GEMIN5: variants seen among roughly 807,000 people sequenced by gnomAD.
GEMIN5 encodes the protein gem-associated protein 5.
GEMIN5 carries 124 observed loss-of-function variants against 176.9 expected under a neutral mutation model. The observed-to-expected ratio is 0.70, with a 90% CI of 0.61 to 0.81. The LOEUF (loss-of-function observed/expected upper bound fraction) is 0.81, where lower values mean the gene tolerates loss of function less well. GEMIN5 is among the 40% of genes least tolerant of loss of function. GEMIN5 has a pLI of 0.00. For synonymous variants in GEMIN5, 673 were observed against 665.2 expected (o/e 1.01, Z -0.18); for missense variants, 1,843 against 1,814.6 (o/e 1.02, Z -0.28).
At position 154,889,331 on chromosome 5, in the gene GEMIN5, T is replaced by C. The variant is rs112323495; in HGVS notation, c.4349A>G (p.Glu1450Gly). Residue 1450 changes from glutamate (E) to glycine (G), a missense_variant, in exon 27 of 28, where the codon GAG becomes GGG. Glu to Gly is a moderately conservative substitution (Grantham distance 98). Transcript: ENST00000285873. Reference protein sequence around the residue: ...EANQRMAKFPESIKAWPFPDV... With the variant: ...EANQRMAKFPGSIKAWPFPDV... ...TGCTTTAACTCTTACCTTAATGCTC[T>C]CAGGAAATTTCGCCATTCTCTGATT... 553 of 1,569,050 alleles carry C rather than the reference T, an allele frequency of 3.5e-4. 4 individuals carry two copies. In the African/African-American group the frequency reaches 6.2e-3, roughly 18 times the overall value.
At position 154,891,658 on chromosome 5, in the gene GEMIN5, T is replaced by C. The variant is rs1763230143; in HGVS notation, c.3845A>G (p.Tyr1282Cys). The change falls in exon 26 of 28, where the codon TAT becomes TGT. Residue 1282 changes from tyrosine (Y) to cysteine (C), a missense_variant. Transcript: ENST00000285873. ...CCACCAGAATTCATACAGACGCCCA[T>C]AAAGAAAAAAGGCCTCCAAACTTTT... ...AFKSLEAFFL[Y>C]GRLYEFWWSL... The C allele has an allele frequency of 6.2e-7, 1 of 1,613,090 alleles. No homozygotes were observed.
At chr5:154,904,659 AAGG>A in intron 17 of GEMIN5, 30 bp from the exon 18 acceptor site, 2 of 1,572,856 alleles carry the variant, frequency 1.3e-6, no homozygotes, top group Non-Finnish European at 1.7e-6. Flanking sequence ...ATACTATCTG[AAGG>A]AGAACTGATC....
chr5:154,924,454 T>A lies in GEMIN5; in HGVS notation c.1379+15A>T. 6.5e-7 allele frequency: 1 copy of A among 1,543,818 alleles called. No homozygotes were observed. Among genetic ancestry groups the A allele is most frequent in the South Asian group, 1.1e-5 (1 of 89,236 alleles). On this transcript the variant is annotated intron_variant, in intron 9 of 27. Transcript: ENST00000285873. ...TCCCCGGGCCACAATGGAAGAAGAA[T>A]CACCCATTTCTTACTTGTTGGAGTA...
intron 20 of GEMIN5, among the ~76,000 whole-genome samples, chr5:154,902,137 A>G (rs575760348): frequency 2.8e-4 from 43 of 152,006 alleles, no homozygotes; most frequent in African/African-American, 1.0e-3. Flanking sequence ...ACAAGGTCTC[A>G]TGATGTTGCC....
At chr5:154,930,754 G>A (rs954627204) in intron 5 of GEMIN5, among the ~76,000 whole-genome samples, 3 of 151,982 alleles carry the variant, frequency 2.0e-5, no homozygotes, top group African/African-American at 4.8e-5. Flanking sequence ...ACTTTAGAGT[G>A]TACTTCATAC....
chr5:154,895,669 T>TTC (rs2113458411), intron 24 of GEMIN5, among the ~76,000 whole-genome samples: 1 of 44,786 alleles, frequency 2.2e-5, no homozygotes, highest in Non-Finnish European at 8.4e-5. Flanking sequence ...TTCTGGTTGA[T>TTC]GGGTTATTAC....
At chr5:154,890,467 AT>A (rs748573084) in intron 26 of GEMIN5, among the ~76,000 whole-genome samples, 3,810 of 138,080 alleles carry the variant, frequency 0.028, 92 homozygotes, top group African/African-American at 0.093. Context: ...TTAAAATTTA[AT>A]TTTTTTTTTT....
intron 15 of GEMIN5, among the ~76,000 whole-genome samples, chr5:154,909,133 A>ATTTTTTTTTTTTTTTTTTTTT (rs70981958): frequency 1.0e-5 from 1 of 99,732 alleles, no homozygotes. Context: ...TAATTTTTGT[A>ATTTTTTTTTTTTTTTTTTTTT]TTTTTTTTTT....
intron 7 of GEMIN5, among the ~76,000 whole-genome samples, 189 bp downstream of exon 7, chr5:154,927,196 T>G (rs1195265749): frequency 6.6e-6 from 1 of 152,212 alleles, no homozygotes; most frequent in Non-Finnish European, 1.5e-5. Flanking sequence ...AAAACTATTT[T>G]GGTGGGTCTT....
At chr5:154,910,483 T>C (rs1763679074) in intron 15 of GEMIN5, among the ~76,000 whole-genome samples, 1 of 152,124 alleles carries the variant, frequency 6.6e-6, no homozygotes, top group African/African-American at 2.4e-5. Flanking sequence ...TTTGCAGTTC[T>C]TGGTAGAAAT....
intron 24 of GEMIN5, among the ~76,000 whole-genome samples, chr5:154,894,699 GT>G (rs989263687): frequency 3.9e-5 from 6 of 152,104 alleles, no homozygotes. Flanking sequence ...GAGGTCAGGA[GT>G]TCGAGACCAG....
Position 154,914,509 on chromosome 5 carries a change from C to CT in GEMIN5, c.1856-1472dup, listed in dbSNP as rs66537820. Reference sequence around the variant, plus strand: ...ATGGGTGGCTGATTACACTATTTTACTTTTTTTTTTTTTTTTTTTAAAGAG... The same window carrying CT: ...ATGGGTGGCTGATTACACTATTTTACTTTTTTTTTTTTTTTTTTTTAAAGAG... On this transcript the variant is annotated intron_variant, in intron 13 of 27. Coordinates refer to ENST00000285873, the MANE Select transcript of GEMIN5 (RefSeq NM_015465.5). 1.9e-3 allele frequency among the ~76,000 whole-genome samples: 255 copies of CT among 136,218 alleles called. 1 individual carries two copies. Among genetic ancestry groups the CT allele is most frequent in the South Asian group, 3.0e-3 (13 of 4,270 alleles). 89.4% of individuals were successfully genotyped at this position (136,218 alleles called of 152,430 possible).
In GEMIN5 at chr5:154,896,114, G is replaced by A. The variant is rs1233659286; in HGVS notation, c.3575C>T (p.Thr1192Ile). ...TACCTGTTTGGCAGGTGTGTTATTTGTAGCAGATGGGTACTTGATGTTCTG... is the reference window on the plus strand; with the variant it reads ...TACCTGTTTGGCAGGTGTGTTATTTATAGCAGATGGGTACTTGATGTTCTG... ...KLQNIKYPSATNNTPAKQLLL... is the reference protein window; with the variant it reads ...KLQNIKYPSAINNTPAKQLLL... Residue 1192 changes from threonine (T) to isoleucine (I), a missense_variant, in exon 24 of 28, where the codon ACA becomes ATA. By Grantham distance (89) the Thr-to-Ile change is moderately conservative. Coordinates refer to ENST00000285873, the MANE Select transcript of GEMIN5 (RefSeq NM_015465.5). The A allele has an allele frequency of 1.2e-6, 2 of 1,613,598 alleles. No homozygotes were observed. The highest frequency in any genetic ancestry group is 1.7e-6 in the Non-Finnish European group (2 of 1,179,834).
rs1582660260 is a variant in GEMIN5, at chr5:154,907,889, C to A, written c.2168-71G>T. On this transcript the variant is annotated intron_variant, in intron 15 of 27. Coordinates refer to ENST00000285873, the MANE Select transcript of GEMIN5 (RefSeq NM_015465.5). ...TTAAAAGCACTCTAGGTGGTAAACT[C>A]CAATATCTCATTCCTCTTTAATAGC... is the stretch of plus-strand genomic sequence containing the variant. The A allele has an allele frequency of 1.8e-5, 18 of 978,166 alleles. No individual in the cohort carries two copies. The East Asian group carries it at 4.0e-4, about 22-fold the overall frequency. The allele number at this position is 978,166 out of a possible 1,614,324, so 60.6% of individuals were successfully genotyped here. A position where few individuals can be genotyped will look rare whatever the true frequency, so the allele number is the denominator to read the frequency against.
Position 154,931,604 on chromosome 5 carries a change from T to C in GEMIN5, c.662-27A>G, listed in dbSNP as rs538035136. ...TATGAGATAGGTGGCAATTTTGTTT[T>C]TAATTTACATTAAACACGCACTAAT... On this transcript the variant is annotated intron_variant, in intron 4 of 27. Coordinates refer to ENST00000285873, the MANE Select transcript of GEMIN5 (RefSeq NM_015465.5). 3 of 1,564,054 alleles carry C rather than the reference T, an allele frequency of 1.9e-6. No homozygotes were observed. The South Asian group carries it at 3.5e-5, about 18-fold the overall frequency.
At chr5:154,902,786 T>A (rs772164691) in intron 19 of GEMIN5, 110 bp from the exon 20 acceptor site, 12 of 1,114,308 alleles carry the variant, frequency 1.1e-5, no homozygotes, top group Admixed American at 8.2e-5. Context: ...AAATATGCAG[T>A]CATTCTCTGA....
rs536834545 is a variant in GEMIN5 at position 154,928,671 on chromosome 5, AAAG to A, written c.782-15_782-13del. 2.9e-4 allele frequency: 464 copies of A among 1,613,754 alleles called. 3 individuals carry two copies. In the South Asian group the frequency reaches 3.0e-3, roughly 10 times the overall value. On this transcript the variant is annotated splice_polypyrimidine_tract_variant and intron_variant, in intron 5 of 27. Transcript: ENST00000285873. Reference sequence around the variant, plus strand: ...CAAAATCATCACCCCTGCAGATTAAAAAGAAGGCCAGTGGGCACTCAAGACAGT... The same window carrying A: ...CAAAATCATCACCCCTGCAGATTAAAAAGGCCAGTGGGCACTCAAGACAGT...
chr5:154,905,757 T>C (rs1763555782), intron 16 of GEMIN5, among the ~76,000 whole-genome samples: 1 of 151,364 alleles, frequency 6.6e-6, no homozygotes, highest in South Asian at 2.1e-4. Flanking sequence ...GGAAATTCAG[T>C]GGCGCAATCT....
intron 20 of GEMIN5, among the ~76,000 whole-genome samples, chr5:154,902,277 T>G (rs1183271811): frequency 6.6e-6 from 1 of 152,194 alleles, no homozygotes; most frequent in Non-Finnish European, 1.5e-5. Flanking sequence ...TGCCATTATA[T>G]CTTTTAAAAT....
Sources: gnomAD v4.1 joint callset for allele counts (sites outside exome capture counted in the v4.1 genomes callset) on GRCh38, gnomAD v4.1.1 for gene constraint, MANE v1.5 for transcripts, NCBI Gene and HGNC (gene_info 2026-07-23, HGNC 2026-07-21) for gene names.